Variants in FARS2 observed in about 807,000 individuals in gnomAD.
FARS2 encodes the protein phenylalanyl-tRNA synthetase 2, mitochondrial, also known as phenylalanine--tRNA ligase, mitochondrial.
A neutral mutation model predicts 46.4 loss-of-function variants in FARS2; 40 were observed. That is an observed-to-expected ratio of 0.86 (90% CI 0.67 to 1.12). FARS2 has a LOEUF of 1.12. Ranked by LOEUF, FARS2 falls within the 50% of genes most tolerant of loss-of-function variation. FARS2 has a pLI of 0.00. For missense variants in FARS2, 513 were observed against 567.9 expected, an observed-to-expected ratio of 0.90 and a Z score of 0.98; for synonymous variants, 234 against 214.9, an observed-to-expected ratio of 1.09 and a Z score of -0.78.
At chr6:5,681,232 ATTATAGT>A (rs547438490) in intron 6 of FARS2, among the ~76,000 whole-genome samples, 103 of 152,358 alleles carry the variant, frequency 6.8e-4, no homozygotes, top group Admixed American at 2.2e-3. Context: ...AAACAAATAC[ATTATAGT>A]TTATTCATCT....
At chr6:5,499,198 G>T (rs1417909936) in intron 4 of FARS2, among the ~76,000 whole-genome samples, 1 of 152,212 alleles carries the variant, frequency 6.6e-6, no homozygotes, top group Non-Finnish European at 1.5e-5. Flanking sequence ...TTCACTGGCA[G>T]TTCACTAACT....
chr6:5,281,785 A>G (rs572938540), intron 1 of FARS2, among the ~76,000 whole-genome samples: 1 of 152,352 alleles, frequency 6.6e-6, no homozygotes, highest in East Asian at 1.9e-4. Context: ...AACTAAATGC[A>G]TAATTGCCTT....
the FARS2 span, among the ~76,000 whole-genome samples, chr6:5,250,972 T>C: frequency 3.9e-5 from 6 of 152,240 alleles, no homozygotes; most frequent in Non-Finnish European, 8.8e-5. Context: ...AACATCATTA[T>C]GCAAGGTGTC....
At chr6:5,611,014 C>T (rs1775151504) in intron 5 of FARS2, among the ~76,000 whole-genome samples, 1 of 152,236 alleles carries the variant, frequency 6.6e-6, no homozygotes, top group South Asian at 2.1e-4. Context: ...CTCCTCTAGG[C>T]TCTAGAATAC....
At chr6:5,598,248 T>G (rs2150625286) in intron 5 of FARS2, among the ~76,000 whole-genome samples, 1 of 152,034 alleles carries the variant, frequency 6.6e-6, no homozygotes, top group East Asian at 1.9e-4. Context: ...TCAGGCATGG[T>G]GGTACCTGCC....
intron 4 of FARS2, among the ~76,000 whole-genome samples, chr6:5,531,402 T>C (rs184257120): frequency 3.9e-5 from 6 of 152,338 alleles, no homozygotes; most frequent in South Asian, 2.1e-4. Flanking sequence ...ACTGCAGTTT[T>C]CTTTATTAAA....
At chr6:5,467,476 A>G (rs574936866) in intron 4 of FARS2, among the ~76,000 whole-genome samples, 17 of 152,168 alleles carry the variant, frequency 1.1e-4, no homozygotes, top group Non-Finnish European at 1.8e-4. Context: ...AAGATACAAT[A>G]GGTCTGAAAT....
At chr6:5,585,697 T>TATATATAATATA (rs1425177004) in intron 5 of FARS2, among the ~76,000 whole-genome samples, 1 of 151,768 alleles carries the variant, frequency 6.6e-6, no homozygotes, top group Non-Finnish European at 1.5e-5. Context: ...AATATCCCAT[T>TATATATAATATA]ATATATAATA....
At position 5,442,201 on chromosome 6, in the gene FARS2, A is replaced by G. The variant is rs1582115947; in HGVS notation, c.904+11029A>G. On this transcript the variant is annotated intron_variant, in intron 4 of 6. Coordinates refer to ENST00000274680, the MANE Select transcript of FARS2 (RefSeq NM_006567.5). ...GTTAAGTTTGAACACAATTTTATAT[A>G]TTTATTTAACATTTATTGTTTTTCT... is the stretch of plus-strand genomic sequence containing the variant. 3.3e-5 allele frequency among the ~76,000 whole-genome samples: 5 copies of G among 152,138 alleles called. No homozygotes were observed. The South Asian group carries it at 1.0e-3, about 32-fold the overall frequency.
intron 1 of FARS2, among the ~76,000 whole-genome samples, chr6:5,318,274 G>T (rs150359013): frequency 6.6e-6 from 1 of 151,322 alleles, no homozygotes. Context: ...CAAGAGAATC[G>T]CTTGAACCCG....
intron 1 of FARS2, among the ~76,000 whole-genome samples, chr6:5,367,602 A>G (rs1758768767): frequency 6.6e-6 from 1 of 151,496 alleles, no homozygotes. Context: ...CCTATACTAG[A>G]TGACAGCTGA....
At chr6:5,579,598 C>G (rs1582497451) in intron 5 of FARS2, among the ~76,000 whole-genome samples, 1 of 152,150 alleles carries the variant, frequency 6.6e-6, no homozygotes, top group South Asian at 2.1e-4. Flanking sequence ...AATGCCTGTT[C>G]TCTGGGTTTA....
At chr6:5,260,598 T>TGCCCCGGCCCCGGGGCCCC, upstream of FARS2, 3 of 1,105,566 alleles carry the variant, frequency 2.7e-6, no homozygotes, top group South Asian at 1.3e-5. Flanking sequence ...GCACCCCCGG[T>TGCCCCGGCCCCGGGGCCCC]CCCCGGCCCC....
intron 5 of FARS2, among the ~76,000 whole-genome samples, chr6:5,571,204 T>G (rs1582474737): frequency 1.3e-5 from 2 of 152,324 alleles, no homozygotes; most frequent in Admixed American, 1.3e-4. Flanking sequence ...AGTGTTATTG[T>G]AATCAGAGGA....
At chr6:5,417,379 G>A (rs4593404) in intron 3 of FARS2, among the ~76,000 whole-genome samples, 3,924 of 151,888 alleles carry the variant, frequency 0.026, 68 homozygotes, top group Non-Finnish European at 0.041. Context: ...ACCACACCCC[G>A]CTAACTTTTA....
chr6:5,470,234 G>C (rs1765736774), intron 4 of FARS2, among the ~76,000 whole-genome samples: 1 of 152,102 alleles, frequency 6.6e-6, no homozygotes, highest in Non-Finnish European at 1.5e-5. Flanking sequence ...GAAAAAAAAT[G>C]CAAGTAAAAA....
chr6:5,478,429 C>T (rs1766252866), intron 4 of FARS2, among the ~76,000 whole-genome samples: 1 of 152,130 alleles, frequency 6.6e-6, no homozygotes, highest in Admixed American at 6.6e-5. Context: ...AATATCATTT[C>T]CGTTTTATGA....
chr6:5,259,813 CA>C (rs1303404520), upstream of FARS2, among the ~76,000 whole-genome samples: 7 of 151,650 alleles, frequency 4.6e-5, no homozygotes, highest in East Asian at 1.4e-3. Flanking sequence ...CAAAACAAAA[CA>C]AAAAACAAAT....
intron 6 of FARS2, among the ~76,000 whole-genome samples, chr6:5,690,897 A>C (rs987315834): frequency 6.6e-6 from 1 of 152,032 alleles, no homozygotes; most frequent in Non-Finnish European, 1.5e-5. Context: ...TTGTTCATTT[A>C]TTTTTATTCT....
Sources: allele counts gnomAD v4.1 joint callset (sites outside exome capture counted in the v4.1 genomes callset), GRCh38; gene constraint gnomAD v4.1.1; transcripts MANE v1.5; gene names NCBI Gene and HGNC (gene_info 2026-07-23, HGNC 2026-07-21).